The following SPTB variants were observed in gnomAD, a reference collection of about 807,000 sequenced individuals.
SPTB encodes the protein spectrin beta, erythrocytic, also known as spectrin beta chain, erythrocytic.
SPTB carries 45 observed loss-of-function variants against 256.2 expected under a neutral mutation model. The ratio of observed to expected loss-of-function variants is 0.18; its 90% CI spans 0.14 to 0.23. The LOEUF (loss-of-function observed/expected upper bound fraction) is 0.23, where lower values mean the gene tolerates loss of function less well. Ranked by LOEUF, SPTB falls within the 10% of genes least tolerant of loss-of-function variation. The pLI, the probability that SPTB is intolerant of heterozygous loss-of-function variation, is 1.00. For missense variants in SPTB, 2,715 were observed against 3,040.4 expected (o/e 0.89, Z 2.52); for synonymous variants, 1,231 against 1,243.1 (o/e 0.99, Z 0.21).
intron 1 of SPTB, among the ~76,000 whole-genome samples, chr14:64,856,925 G>A (rs1255449434): frequency 2.0e-5 from 3 of 152,176 alleles, no homozygotes; most frequent in Non-Finnish European, 4.4e-5. Context: ...TGTGGGAAGG[G>A]AACAAAGTTC....
rs1290682783 is a variant in SPTB, at chr14:64,873,102, C to A, written c.-52+6690G>T. ...AGTCTCAGCCCAAATGAAGCCCCAT[C>A]AGATAGTGTTTTCCCAACCACCCTA... On this transcript the variant is annotated intron_variant, in intron 1 of 35. Transcript: ENST00000644917. This position sits in a 1 kb window ranked among gnomAD's most constrained non-coding sequence, Gnocchi z 4.3. Among the ~76,000 whole-genome samples the A allele has an allele frequency of 1.3e-5, 2 of 152,188 alleles. No individual in the cohort carries two copies. Among genetic ancestry groups the A allele is most frequent in the African/African-American group, 4.8e-5 (2 of 41,444 alleles).
At chr14:64,800,182 C>T (rs1051188525) in intron 8 of SPTB, among the ~76,000 whole-genome samples, 4 of 152,204 alleles carry the variant, frequency 2.6e-5, no homozygotes, top group African/African-American at 9.7e-5. Context: ...GGTGCAGTTC[C>T]CCTCCCCAGT....
chr14:64,779,624 A>C lies in SPTB; in HGVS notation c.4473+101T>G. On this transcript the variant is annotated intron_variant, in intron 21 of 35. Coordinates refer to ENST00000644917, the MANE Select transcript of SPTB (RefSeq NM_001355436.2). This position sits in a 1 kb window ranked among gnomAD's most constrained non-coding sequence, Gnocchi z 4.2. ...CTATGAGATAAGGGGTGAGGTGACC[A>C]GTCATCTACTGCCAAAAATTGCTCT... is the stretch of plus-strand genomic sequence containing the variant. The C allele has an allele frequency of 8.4e-7, 1 of 1,191,028 alleles. No individual in the cohort carries two copies. The allele number at this position is 1,191,028 out of a possible 1,614,324, so 73.8% of individuals were successfully genotyped here. A position where few individuals can be genotyped will look rare whatever the true frequency, so the allele number is the denominator to read the frequency against.
At position 64,753,795 on chromosome 14, in the gene SPTB, T is replaced by G; in HGVS notation, c.6346-2A>C. The G allele has an allele frequency of 6.2e-7, 1 of 1,612,648 alleles. No homozygotes were observed. Among genetic ancestry groups the G allele is most frequent in the Non-Finnish European group, 8.5e-7 (1 of 1,180,000 alleles). The stretch of plus-strand genomic sequence containing the variant: ...AGGCCACGTTCCCTCTTCTTCCCCC[T>G]GCTCAGGGCATAGGGAGGAGCACAC... On this transcript the variant is annotated splice_acceptor_variant, in intron 32 of 35. Transcript: ENST00000644917. LOFTEE classifies it high-confidence loss of function.
intron 1 of SPTB, among the ~76,000 whole-genome samples, chr14:64,876,267 G>A (rs973446927): frequency 2.6e-5 from 4 of 152,018 alleles, no homozygotes; most frequent in East Asian, 1.9e-4. Context: ...TCAGCCTCCC[G>A]AGTAGCTGGG....
chr14:64,872,548 C>T (rs1882591508), intron 1 of SPTB, among the ~76,000 whole-genome samples: 1 of 152,344 alleles, frequency 6.6e-6, no homozygotes, highest in East Asian at 1.9e-4. Context: ...ACCATCAAGA[C>T]CCGCTTTTCT....
At chr14:64,854,305 G>C (rs749715716) in intron 1 of SPTB, among the ~76,000 whole-genome samples, 20 of 100,856 alleles carry the variant, frequency 2.0e-4, no homozygotes, top group Admixed American at 3.8e-4. Flanking sequence ...TTGAGATGGA[G>C]TCTCACTCTG....
At chr14:64,875,937 A>G (rs534094974) in intron 1 of SPTB, among the ~76,000 whole-genome samples, 5 of 152,202 alleles carry the variant, frequency 3.3e-5, no homozygotes, top group Non-Finnish European at 7.3e-5. Flanking sequence ...TTAAAATTCC[A>G]TAACAAAGAA....
chr14:64,812,243 C>T (rs1014142393), intron 2 of SPTB, among the ~76,000 whole-genome samples: 1 of 152,204 alleles, frequency 6.6e-6, no homozygotes, highest in African/African-American at 2.4e-5. Context: ...GCCAACGCGC[C>T]CAGCCTAAAG....
At chr14:64,879,473 A>AC (rs1230336704) in intron 1 of SPTB, among the ~76,000 whole-genome samples, 1 of 151,970 alleles carries the variant, frequency 6.6e-6, no homozygotes, top group African/African-American at 2.4e-5. Flanking sequence ...GAGAACACGC[A>AC]CCCCCGTCAC....
At chr14:64,851,235 G>C (rs2083780117) in intron 1 of SPTB, among the ~76,000 whole-genome samples, 2 of 152,374 alleles carry the variant, frequency 1.3e-5, no homozygotes, top group South Asian at 4.1e-4. Context: ...GCTATGAGCA[G>C]ATTTCCTGTG....
In SPTB at chr14:64,793,138, T is replaced by A; in HGVS notation, c.2525A>T (p.Gln842Leu). Residue 842 changes from glutamine (Q) to leucine (L), a missense_variant, in exon 14 of 36, where the codon CAG becomes CTG. Around this residue, in one of 4 missense-constraint regions of SPTB, gnomAD observed 2,239 missense variants for 2,384.4 expected, o/e 0.94. Coordinates refer to ENST00000644917, the MANE Select transcript of SPTB (RefSeq NM_001355436.2). The surrounding 1 kb of genome is among the most constrained non-coding windows in gnomAD (Gnocchi z 7.0). The stretch of plus-strand genomic sequence containing the variant: ...CAGGTCCAGGGCTTCCTGCAGCCTC[T>A]GCTGACGCAGGTCCGCCTGGGCCAC... ...QVVAQADLRQ[Q>L]RLQEALDLYT... 1 of 1,614,168 alleles carries A rather than the reference T, an allele frequency of 6.2e-7. No individual in the cohort carries two copies. Among genetic ancestry groups the A allele is most frequent in the Non-Finnish European group, 8.5e-7 (1 of 1,180,052 alleles).
intron 7 of SPTB, 98 bp from the exon 8 acceptor site, chr14:64,800,966 T>C: frequency 1.1e-6 from 1 of 936,712 alleles, no homozygotes; most frequent in Non-Finnish European, 1.7e-6. Flanking sequence ...CAAGTTCAAC[T>C]ACAGGCAGCA....
rs2083201983 is a variant in SPTB at position 64,816,898 on chromosome 14, G to C, written c.148+6049C>G. 6.6e-6 allele frequency among the ~76,000 whole-genome samples: 1 copy of C among 152,214 alleles called. No individual in the cohort carries two copies. Among genetic ancestry groups the C allele is most frequent in the Admixed American group, 6.5e-5 (1 of 15,284 alleles). ...TAAACACAGACAAGGCCTGGGGTCA[G>C]AGCTTGCCCTTGGGAACAAATCCCA... On this transcript the variant is annotated intron_variant, in intron 2 of 35. Transcript: ENST00000644917. The surrounding 1 kb of genome is among the most constrained non-coding windows in gnomAD (Gnocchi z 4.2).
rs757397544 is a variant in SPTB, at chr14:64,793,351, A to C, written c.2312T>G (p.Val771Gly). Reference protein sequence around the residue: ...DAHRLLSGEDVGQDEGATRAL... With the variant: ...DAHRLLSGEDGGQDEGATRAL... ...CCGCGTGGCCCCTTCGTCCTGCCCC[A>C]CATCTTCACCAGAGAGCAGCCGGTG... Residue 771 changes from valine to glycine, a missense_variant, in exon 14 of 36, where the codon GTG (valine) becomes GGG (glycine). By Grantham distance (109) the Val-to-Gly change is moderately radical (BLOSUM62 -3). This residue lies in a region of SPTB where 2,239 missense variants were observed against 2,384.4 expected (regional missense o/e 0.94). Transcript: ENST00000644917. The surrounding 1 kb of genome is among the most constrained non-coding windows in gnomAD (Gnocchi z 7.0). 1 of 1,611,624 alleles carries C rather than the reference A, an allele frequency of 6.2e-7. No individual in the cohort carries two copies.
rs1400266618 is a variant in SPTB at position 64,758,026 on chromosome 14, G to T, written c.6346-4233C>A. ...GGAATTCCATCTGGGGGAAGGGAGA[G>T]AACCTTCCTGACTCAGTTAGTGGGA... On this transcript the variant is annotated intron_variant, in intron 32 of 35. Coordinates refer to ENST00000644917, the MANE Select transcript of SPTB (RefSeq NM_001355436.2). The surrounding 1 kb of genome is among the most constrained non-coding windows in gnomAD (Gnocchi z 4.6). 1.3e-5 allele frequency among the ~76,000 whole-genome samples: 2 copies of T among 152,348 alleles called. No homozygotes were observed. Among genetic ancestry groups the T allele is most frequent in the East Asian group, 1.9e-4 (1 of 5,184 alleles).
intron 15 of SPTB, among the ~76,000 whole-genome samples, chr14:64,791,176 C>T (rs1412324237): frequency 6.6e-6 from 1 of 152,168 alleles, no homozygotes; most frequent in African/African-American, 2.4e-5. Flanking sequence ...CCTCCCAGGA[C>T]TCGTCTCTCT....
chr14:64,805,423 C>T (rs900764056), intron 2 of SPTB, among the ~76,000 whole-genome samples: 1 of 152,210 alleles, frequency 6.6e-6, no homozygotes, highest in Non-Finnish European at 1.5e-5. Context: ...CAGTGCCAGG[C>T]TTACCCATCA....
rs1451242861 is a variant in SPTB at position 64,803,592 on chromosome 14, C to A, written c.474+15G>T. ...TGAGGGCTCCCTCGACTTCCTCTAC[C>A]CCCCAGGAACCCACCTGGAAGCGGA... On this transcript the variant is annotated intron_variant, in intron 4 of 35. Transcript: ENST00000644917. 1 of 1,614,000 alleles carries A rather than the reference C, an allele frequency of 6.2e-7. No individual in the cohort carries two copies. Among genetic ancestry groups the A allele is most frequent in the Admixed American group, 1.7e-5 (1 of 60,028 alleles).
Sources: allele counts gnomAD v4.1 joint callset (sites outside exome capture counted in the v4.1 genomes callset), GRCh38; gene constraint gnomAD v4.1.1; regional missense constraint gnomAD v4.1.1; non-coding constraint Gnocchi (gnomAD v3.1); transcripts MANE v1.5; gene names NCBI Gene and HGNC (gene_info 2026-07-23, HGNC 2026-07-21).